The following GAS2 variants were observed in gnomAD, a reference collection of about 807,000 sequenced individuals.
GAS2 encodes the protein growth arrest specific 2, also known as growth arrest-specific protein 2.
A neutral mutation model predicts 37.5 loss-of-function variants in GAS2; 20 were observed. The ratio of observed to expected loss-of-function variants is 0.53; its 90% confidence interval spans 0.37 to 0.77. GAS2 has a LOEUF of 0.77. Among genes scored for constraint, GAS2 ranks in the 30% least tolerant of loss-of-function variants. The pLI, the probability that GAS2 is intolerant of heterozygous loss-of-function variation, is 0.00. For missense variants in GAS2, 336 were observed against 373.4 expected (o/e 0.90, Z 0.82); for synonymous variants, 144 against 132.2 (o/e 1.09, Z -0.61).
intron 3 of GAS2, among the ~76,000 whole-genome samples, chr11:22,722,758 T>G (rs1290023168): frequency 6.6e-6 from 1 of 151,926 alleles, no homozygotes; most frequent in Non-Finnish European, 1.5e-5. Flanking sequence ...TCAAGCCGAT[T>G]ATGATCTAGT....
upstream of GAS2, among the ~76,000 whole-genome samples, chr11:22,661,993 C>T (rs1848922058): frequency 6.6e-6 from 1 of 152,038 alleles, no homozygotes; most frequent in South Asian, 2.1e-4. Context: ...TAGTAAAGTA[C>T]GTAATGTTTT....
chr11:22,778,701 T>C (rs1160805778), intron 7 of GAS2, among the ~76,000 whole-genome samples: 1 of 152,206 alleles, frequency 6.6e-6, no homozygotes, highest in East Asian at 1.9e-4. Context: ...AGTCTGTAGG[T>C]AGAAATCATA....
intron 4 of GAS2, among the ~76,000 whole-genome samples, chr11:22,736,327 A>G (rs1042370538): frequency 1.2e-4 from 19 of 152,012 alleles, no homozygotes; most frequent in African/African-American, 4.3e-4. Flanking sequence ...ACTGATGGTC[A>G]TCTGAATCTA....
chr11:22,736,072 T>C (rs1488726253), intron 4 of GAS2, among the ~76,000 whole-genome samples: 1 of 151,892 alleles, frequency 6.6e-6, no homozygotes, highest in Non-Finnish European at 1.5e-5. Context: ...TTTTCACTTG[T>C]TTATTTCTGT....
chr11:22,627,774 C>CA (rs111643774), intron 1 of GAS2, among the ~76,000 whole-genome samples: 4,249 of 73,990 alleles, frequency 0.057, 126 homozygotes, highest in East Asian at 0.14. Flanking sequence ...GACTCCATCT[C>CA]AAAAAAAAAA....
intron 7 of GAS2, among the ~76,000 whole-genome samples, chr11:22,785,768 G>A (rs115687382): frequency 0.012 from 1,752 of 151,958 alleles, 33 homozygotes; most frequent in African/African-American, 0.04. Context: ...CTTCCTTGTC[G>A]CTCTCTTCAG....
At chr11:22,781,940 C>T (rs1025450181) in intron 7 of GAS2, among the ~76,000 whole-genome samples, 10 of 152,104 alleles carry the variant, frequency 6.6e-5, no homozygotes, top group South Asian at 2.1e-4. Flanking sequence ...ACCATGCTTT[C>T]GGCCAAATTA....
intron 3 of GAS2, among the ~76,000 whole-genome samples, chr11:22,690,408 G>A (rs1326488737): frequency 2.0e-5 from 3 of 151,942 alleles, no homozygotes; most frequent in African/African-American, 4.8e-5. Flanking sequence ...GCTTCTTTAC[G>A]TGTGTGAGCT....
chr11:22,760,340 C>T (rs1487866912), intron 7 of GAS2, among the ~76,000 whole-genome samples: 1 of 152,104 alleles, frequency 6.6e-6, no homozygotes, highest in African/African-American at 2.4e-5. Flanking sequence ...CATTTGGAAA[C>T]TTGTTAGAAA....
chr11:22,670,555 T>G (rs1849158875), intron 1 of GAS2, among the ~76,000 whole-genome samples: 1 of 152,176 alleles, frequency 6.6e-6, no homozygotes, highest in African/African-American at 2.4e-5. Flanking sequence ...CTTTCCGTTT[T>G]GGGATAGGTC....
At chr11:22,777,190 A>G (rs900473859) in intron 7 of GAS2, among the ~76,000 whole-genome samples, 8 of 152,192 alleles carry the variant, frequency 5.3e-5, no homozygotes, top group Non-Finnish European at 1.0e-4. Flanking sequence ...ATCCTAAGCC[A>G]TACAACAAAT....
chr11:22,722,722 C>A lies in GAS2; in HGVS notation c.268-3570C>A, dbSNP rs1206286385. Among the ~76,000 whole-genome samples, 4 of 151,716 alleles carry A rather than the reference C, an allele frequency of 2.6e-5. No individual in the cohort carries two copies. In the Admixed American group the frequency reaches 2.6e-4, roughly 10 times the overall value. ...CATGTCCCTTGGGGATGTAAAAATT[C>A]TAATACAGAGTATTTGGTCCTGTTC... On this transcript the variant is annotated intron_variant, in intron 3 of 7. Coordinates refer to ENST00000454584, the MANE Select transcript of GAS2 (RefSeq NM_001143830.3).
At chr11:22,650,952 C>A (rs1165600619) in intron 1 of GAS2, among the ~76,000 whole-genome samples, 1 of 151,966 alleles carries the variant, frequency 6.6e-6, no homozygotes, top group Non-Finnish European at 1.5e-5. Context: ...TGAATTTGAT[C>A]CTGTCATTAT....
intron 4 of GAS2, among the ~76,000 whole-genome samples, chr11:22,734,743 G>A (rs1217514698): frequency 6.6e-6 from 1 of 151,638 alleles, no homozygotes; most frequent in Non-Finnish European, 1.5e-5. Flanking sequence ...AGAAAAATGT[G>A]ATTTTGTAGA....
At chr11:22,786,207 T>C (rs190951924) in intron 7 of GAS2, among the ~76,000 whole-genome samples, 2 of 152,234 alleles carry the variant, frequency 1.3e-5, no homozygotes, top group Admixed American at 6.5e-5. Flanking sequence ...TTTTTGAAAA[T>C]AGATTTACAT....
At chr11:22,720,598 A>G (rs561174251) in intron 3 of GAS2, among the ~76,000 whole-genome samples, 1 of 152,156 alleles carries the variant, frequency 6.6e-6, no homozygotes, top group Admixed American at 6.6e-5. Context: ...CGGAAACATT[A>G]ATTCCATCAT....
At chr11:22,652,951 CTCTTTCTTTCTTTG>C (rs1267942063) in intron 1 of GAS2, among the ~76,000 whole-genome samples, 3 of 116,798 alleles carry the variant, frequency 2.6e-5, no homozygotes, top group African/African-American at 9.2e-5. Flanking sequence ...CCTCCACAAC[CTCTTTCTTTCTTTG>C]TCTTTCTTTC....
rs184806971 is a variant in GAS2 at position 22,747,976 on chromosome 11, A to G, written c.474-1144A>G. 2.0e-3 allele frequency among the ~76,000 whole-genome samples: 308 copies of G among 151,986 alleles called. 8 individuals are homozygous for G. The East Asian group carries it at 0.05, about 25-fold the overall frequency. Reference sequence around the variant, plus strand: ...AGTTAAAATAATAAGCAGTTAGAATAGGACAATTACTTAAGGTTAAATCTA... The same window carrying G: ...AGTTAAAATAATAAGCAGTTAGAATGGGACAATTACTTAAGGTTAAATCTA... On this transcript the variant is annotated intron_variant, in intron 5 of 7. Transcript: ENST00000454584.
intron 5 of GAS2, among the ~76,000 whole-genome samples, chr11:22,739,181 C>T (rs1369446636): frequency 6.6e-6 from 1 of 152,076 alleles, no homozygotes; most frequent in African/African-American, 2.4e-5. Flanking sequence ...TTCTAGCACC[C>T]GGCCACACCT....
Sources: gnomAD v4.1 joint callset for allele counts (sites outside exome capture counted in the v4.1 genomes callset) on GRCh38, gnomAD v4.1.1 for gene constraint, MANE v1.5 for transcripts, NCBI Gene and HGNC (gene_info 2026-07-23, HGNC 2026-07-21) for gene names.